Variants in LYN observed in about 807,000 individuals in gnomAD.
The protein encoded by LYN is LYN proto-oncogene, Src family tyrosine kinase.
A neutral mutation model predicts 65.0 loss-of-function variants in LYN; 12 were observed. The observed-to-expected ratio is 0.18, with a 90% CI of 0.12 to 0.30. The LOEUF (loss-of-function observed/expected upper bound fraction) is 0.30, where lower values mean the gene tolerates loss of function less well. Among genes scored for constraint, LYN ranks in the 10% least tolerant of loss-of-function variants. LYN has a pLI of 1.00. For synonymous variants in LYN, 222 were observed against 221.2 expected (o/e 1.00, Z -0.03); for missense variants, 380 against 623.2 (o/e 0.61, Z 4.16).
At chr8:55,892,793 G>T (rs529515825) in intron 1 of LYN, among the ~76,000 whole-genome samples, 1 of 152,270 alleles carries the variant, frequency 6.6e-6, no homozygotes, top group East Asian at 1.9e-4. Flanking sequence ...GAGTGTGTGT[G>T]TATGTGTGTG....
chr8:55,899,893 G>A (rs1308047527), intron 1 of LYN, among the ~76,000 whole-genome samples: 2 of 152,012 alleles, frequency 1.3e-5, no homozygotes, highest in Non-Finnish European at 2.9e-5. Context: ...CACCCGCCTC[G>A]GCCTCCCAAA....
chr8:55,934,489 T>G (rs1563517324), intron 1 of LYN, among the ~76,000 whole-genome samples: 1 of 152,234 alleles, frequency 6.6e-6, no homozygotes. Context: ...CCGCTAAGAT[T>G]TGACTGGGCA....
intron 1 of LYN, among the ~76,000 whole-genome samples, chr8:55,928,366 C>G (rs1285362611): frequency 6.6e-6 from 1 of 152,072 alleles, no homozygotes; most frequent in Non-Finnish European, 1.5e-5. Context: ...GGCTGGTCTC[C>G]AACTCCTGAC....
chr8:55,909,449 T>C (rs1013434496), intron 1 of LYN, among the ~76,000 whole-genome samples: 13 of 152,194 alleles, frequency 8.5e-5, no homozygotes, highest in African/African-American at 2.9e-4. Flanking sequence ...ATCCCACAGA[T>C]GGCAGATTCG....
intron 1 of LYN, among the ~76,000 whole-genome samples, chr8:55,918,059 G>A (rs542694630): frequency 6.6e-6 from 1 of 152,246 alleles, no homozygotes; most frequent in South Asian, 2.1e-4. Flanking sequence ...AGGCTGCACT[G>A]AGAAGGAACC....
intron 7 of LYN, 23 bp downstream of exon 7, chr8:55,952,138 A>G: frequency 1.3e-6 from 2 of 1,563,478 alleles, no homozygotes; most frequent in Non-Finnish European, 1.7e-6. Flanking sequence ...TGAAGGTTCA[A>G]CAAGACAAGA....
chr8:55,964,409 A>G (rs1221650148), intron 8 of LYN, among the ~76,000 whole-genome samples: 3 of 152,188 alleles, frequency 2.0e-5, no homozygotes, highest in Admixed American at 6.5e-5. Flanking sequence ...AAAGTGGAAT[A>G]CAAAATAAAA....
chr8:55,893,294 A>C (rs1805005586), intron 1 of LYN, among the ~76,000 whole-genome samples: 1 of 152,244 alleles, frequency 6.6e-6, no homozygotes, highest in Admixed American at 6.5e-5. Flanking sequence ...TGCACAGCCA[A>C]GTCAATTTAT....
At chr8:55,887,901 C>T (rs574992615) in intron 1 of LYN, among the ~76,000 whole-genome samples, 2 of 152,146 alleles carry the variant, frequency 1.3e-5, no homozygotes, top group East Asian at 1.9e-4. Flanking sequence ...TAAGTCATTG[C>T]GCCTGGCTCC....
At chr8:55,913,422 T>C (rs545179869) in intron 1 of LYN, among the ~76,000 whole-genome samples, 1 of 152,326 alleles carries the variant, frequency 6.6e-6, no homozygotes, top group African/African-American at 2.4e-5. Context: ...CAAGAATCTA[T>C]ATTTTTAACA....
At chr8:55,949,329 A>C (rs545866352) in intron 4 of LYN, among the ~76,000 whole-genome samples, 1 of 152,120 alleles carries the variant, frequency 6.6e-6, no homozygotes, top group Admixed American at 6.5e-5. Flanking sequence ...ATTTGTACCA[A>C]CTCTTCTTTG....
At position 55,944,805 on chromosome 8, in the gene LYN, T is replaced by C. The variant is rs111924341; in HGVS notation, c.133-1643T>C. ...CTGTTTTTTGTTTTTAAATGATGAA[T>C]AAAGATGTCCTTTATTCAGAAAAGT... On this transcript the variant is annotated intron_variant, in intron 2 of 12. Transcript: ENST00000519728. Among the ~76,000 whole-genome samples the C allele has an allele frequency of 2.7e-3, 407 of 152,230 alleles. 2 individuals are homozygous for C. The highest frequency in any genetic ancestry group is 9.6e-3 in the African/African-American group (398 of 41,542).
chr8:55,917,273 A>T (rs1805806230), intron 1 of LYN, among the ~76,000 whole-genome samples: 1 of 151,722 alleles, frequency 6.6e-6, no homozygotes, highest in South Asian at 2.1e-4. Flanking sequence ...GCAGCCTTGA[A>T]CTCCTAGGCT....
At chr8:55,927,676 A>ATC (rs1240181354) in intron 1 of LYN, among the ~76,000 whole-genome samples, 9 of 152,076 alleles carry the variant, frequency 5.9e-5, no homozygotes, top group Non-Finnish European at 1.3e-4. Flanking sequence ...CTCTATTAAA[A>ATC]ATACAAAAAT....
intron 12 of LYN, among the ~76,000 whole-genome samples, chr8:56,008,033 C>T (rs1363398320): frequency 3.3e-5 from 5 of 151,272 alleles, no homozygotes; most frequent in African/African-American, 9.7e-5. Context: ...GCAGGAGAAT[C>T]GCTTGAACCT....
At chr8:55,990,035 T>TGG (rs1808200930) in intron 10 of LYN, among the ~76,000 whole-genome samples, 1 of 151,950 alleles carries the variant, frequency 6.6e-6, no homozygotes, top group Non-Finnish European at 1.5e-5. Flanking sequence ...GGTCAGGAGT[T>TGG]TGAGACCAGC....
chr8:55,894,771 G>C (rs930649094), intron 1 of LYN, among the ~76,000 whole-genome samples: 25 of 152,104 alleles, frequency 1.6e-4, no homozygotes, highest in African/African-American at 5.3e-4. Context: ...CTGATCTCAG[G>C]TGATCCACCC....
chr8:55,934,055 A>G (rs112456008), intron 1 of LYN, among the ~76,000 whole-genome samples: 24,677 of 152,170 alleles, frequency 0.16, 2,239 homozygotes, highest in Middle Eastern at 0.3. Context: ...GTGAAACCCC[A>G]TCTTTACTAA....
intron 10 of LYN, among the ~76,000 whole-genome samples, chr8:55,973,251 T>G (rs1423082012): frequency 6.6e-6 from 1 of 152,196 alleles, no homozygotes; most frequent in Non-Finnish European, 1.5e-5. Flanking sequence ...TGAGAGCTGA[T>G]TTCATCACTT....
Sources: gnomAD v4.1 joint callset for allele counts (sites outside exome capture counted in the v4.1 genomes callset) on GRCh38, gnomAD v4.1.1 for gene constraint, MANE v1.5 for transcripts, NCBI Gene and HGNC (gene_info 2026-07-23, HGNC 2026-07-21) for gene names.